Variants in PTPRN2 observed in about 807,000 individuals in gnomAD.
PTPRN2 encodes the protein receptor-type tyrosine-protein phosphatase N2.
PTPRN2 carries 74 observed loss-of-function variants against 118.8 expected under a neutral mutation model. The observed-to-expected ratio is 0.62, with a 90% CI of 0.52 to 0.76. The LOEUF is 0.76. Ranked by LOEUF, PTPRN2 falls within the 30% of genes least tolerant of loss-of-function variation. The pLI is 0.00. For synonymous variants in PTPRN2, 641 were observed against 608.0 expected (o/e 1.05, Z -0.80); for missense variants, 1,481 against 1,394.4 (o/e 1.06, Z -0.99).
chr7:158,146,476 C>T (rs1015447635), intron 6 of PTPRN2, among the ~76,000 whole-genome samples: 1 of 152,110 alleles, frequency 6.6e-6, no homozygotes, highest in Non-Finnish European at 1.5e-5. Context: ...AATCCCAGCA[C>T]TTTGGGACGC....
chr7:157,927,524 C>T (rs34147784), intron 11 of PTPRN2, among the ~76,000 whole-genome samples: 9 of 106,440 alleles, frequency 8.5e-5, no homozygotes, highest in Non-Finnish European at 1.2e-4. Flanking sequence ...CCCAGGGACC[C>T]GTCTGACAGC....
At chr7:157,877,091 T>C (rs1795813981) in intron 12 of PTPRN2, among the ~76,000 whole-genome samples, 1 of 150,612 alleles carries the variant, frequency 6.6e-6, no homozygotes, top group South Asian at 2.1e-4. Context: ...CGGGTGCAAG[T>C]GCCATGGTCA....
chr7:158,445,976 G>A (rs1257821114), intron 2 of PTPRN2, among the ~76,000 whole-genome samples: 1 of 152,102 alleles, frequency 6.6e-6, no homozygotes, highest in Non-Finnish European at 1.5e-5. Context: ...CACTCAGCAT[G>A]AGCAGGTAAA....
At chr7:158,125,036 G>T (rs1011729577) in intron 9 of PTPRN2, among the ~76,000 whole-genome samples, 4 of 152,214 alleles carry the variant, frequency 2.6e-5, no homozygotes, top group Admixed American at 6.5e-5. Flanking sequence ...CATGGATGGA[G>T]CCATAGGAGG....
At chr7:158,002,601 T>G (rs1220162653) in intron 11 of PTPRN2, among the ~76,000 whole-genome samples, 2 of 151,896 alleles carry the variant, frequency 1.3e-5, no homozygotes, top group African/African-American at 4.8e-5. Context: ...CCCTGGAGCT[T>G]AGGGTTCATC....
In PTPRN2 at chr7:158,525,148, A is replaced by T. The variant is rs1399269736; in HGVS notation, c.113-35363T>A. ...CGTCCCAGGCCCTGCACAGTGCTGGACTTCCCAGCTCCAGGCTCTGGAGCC... is the reference window on the plus strand; with the variant it reads ...CGTCCCAGGCCCTGCACAGTGCTGGTCTTCCCAGCTCCAGGCTCTGGAGCC... On this transcript the variant is annotated intron_variant, in intron 1 of 22. Coordinates refer to ENST00000389418, the MANE Select transcript of PTPRN2 (RefSeq NM_002847.5). This position sits in a 1 kb window ranked among gnomAD's most constrained non-coding sequence, Gnocchi z 4.1. Among the ~76,000 whole-genome samples the T allele has an allele frequency of 1.3e-5, 2 of 152,112 alleles. No homozygotes were observed. Among genetic ancestry groups the T allele is most frequent in the Non-Finnish European group, 2.9e-5 (2 of 68,000 alleles).
intron 3 of PTPRN2, among the ~76,000 whole-genome samples, chr7:158,269,750 A>AGACAGAGACAGAGG (rs1563065297): frequency 3.8e-5 from 5 of 132,300 alleles, no homozygotes; most frequent in African/African-American, 1.2e-4. Flanking sequence ...AGAGACAGAG[A>AGACAGAGACAGAGG]GAGACAGAGA....
chr7:157,873,591 C>T (rs1282630234), intron 12 of PTPRN2, among the ~76,000 whole-genome samples: 4 of 102,836 alleles, frequency 3.9e-5, no homozygotes, highest in East Asian at 3.8e-4. Context: ...AGGTCTGTCT[C>T]GTCGTGGGGG....
At chr7:158,283,608 C>T (rs1453940169) in intron 3 of PTPRN2, among the ~76,000 whole-genome samples, 1 of 152,154 alleles carries the variant, frequency 6.6e-6, no homozygotes, top group Non-Finnish European at 1.5e-5. Flanking sequence ...ACAGCATGTC[C>T]ACGGCACCCT....
intron 2 of PTPRN2, among the ~76,000 whole-genome samples, chr7:158,477,997 G>A (rs541861120): frequency 2.6e-5 from 4 of 152,370 alleles, no homozygotes; most frequent in Admixed American, 2.6e-4. Context: ...AGGGGAGAGA[G>A]CGCTGGTCAG....
intron 17 of PTPRN2, among the ~76,000 whole-genome samples, chr7:157,593,476 C>T (rs1448488488): frequency 6.6e-6 from 1 of 152,228 alleles, no homozygotes; most frequent in African/African-American, 2.4e-5. Context: ...TATTTGGGGG[C>T]ACCCCATGCC....
chr7:158,291,079 G>T (rs987345755), intron 3 of PTPRN2, among the ~76,000 whole-genome samples: 1 of 152,226 alleles, frequency 6.6e-6, no homozygotes, highest in Non-Finnish European at 1.5e-5. Flanking sequence ...CTGGGGTGGG[G>T]AGTTGAGAAC....
At chr7:158,422,378 C>T (rs931016887) in intron 2 of PTPRN2, among the ~76,000 whole-genome samples, 13 of 152,346 alleles carry the variant, frequency 8.5e-5, no homozygotes, top group Middle Eastern at 3.4e-3. Context: ...TCAATGGCAG[C>T]TTCCAACACC....
chr7:157,744,220 G>A (rs1488634039), intron 12 of PTPRN2, among the ~76,000 whole-genome samples: 1 of 152,212 alleles, frequency 6.6e-6, no homozygotes, highest in Non-Finnish European at 1.5e-5. Context: ...GGCATGGAGG[G>A]CACAGAAGCC....
At chr7:158,430,045 T>C (rs1816042964) in intron 2 of PTPRN2, among the ~76,000 whole-genome samples, 1 of 152,068 alleles carries the variant, frequency 6.6e-6, no homozygotes, top group Non-Finnish European at 1.5e-5. Context: ...GTAGCTGGGA[T>C]TACAGGTGCA....
intron 2 of PTPRN2, among the ~76,000 whole-genome samples, chr7:158,441,209 G>GGCA (rs1817112674): frequency 8.1e-6 from 1 of 122,988 alleles, no homozygotes; most frequent in South Asian, 2.9e-4. Context: ...TGATGGTGGT[G>GGCA]GTGGTGATGG....
intron 2 of PTPRN2, among the ~76,000 whole-genome samples, chr7:158,422,482 T>A (rs1029472242): frequency 6.6e-6 from 1 of 152,136 alleles, no homozygotes; most frequent in Admixed American, 6.5e-5. Context: ...ACACATACTC[T>A]TACATGTCTC....
intron 12 of PTPRN2, among the ~76,000 whole-genome samples, chr7:157,878,860 C>T (rs112346521): frequency 4.3e-5 from 5 of 116,006 alleles, no homozygotes; most frequent in Admixed American, 8.6e-5. Context: ...GAGGAGCTCT[C>T]GGATTCCGTG....
At chr7:157,731,975 C>A (rs1273520259) in intron 12 of PTPRN2, among the ~76,000 whole-genome samples, 4 of 85,210 alleles carry the variant, frequency 4.7e-5, no homozygotes, top group Non-Finnish European at 7.8e-5. Flanking sequence ...CTTTCCCGTC[C>A]CATGCGCCCA....
Sources: allele counts gnomAD v4.1 joint callset (sites outside exome capture counted in the v4.1 genomes callset), GRCh38; gene constraint gnomAD v4.1.1; non-coding constraint Gnocchi (gnomAD v3.1); transcripts MANE v1.5; gene names NCBI Gene and HGNC (gene_info 2026-07-23, HGNC 2026-07-21).